The following SLC29A3 variants were observed in gnomAD, a reference collection of about 807,000 sequenced individuals.
SLC29A3 encodes the protein solute carrier family 29 member 3.
A neutral mutation model predicts 25.4 loss-of-function variants in SLC29A3; 18 were observed. That is an observed-to-expected ratio of 0.71 (90% CI 0.49 to 1.05). SLC29A3 has a LOEUF of 1.05. Among genes scored for constraint, SLC29A3 ranks in the 50% least tolerant of loss-of-function variants. SLC29A3 has a pLI of 0.00. For synonymous variants in SLC29A3, 258 were observed against 267.1 expected (o/e 0.97, Z 0.33); for missense variants, 586 against 609.0 (o/e 0.96, Z 0.40).
intron 3 of SLC29A3, among the ~76,000 whole-genome samples, chr10:71,345,372 T>G (rs1846542023): frequency 1.3e-5 from 2 of 152,194 alleles, no homozygotes; most frequent in Non-Finnish European, 2.9e-5. Flanking sequence ...CTCTCTCTTC[T>G]CTCTTTGTAG....
Position 71,362,082 on chromosome 10 carries a change from T to C in SLC29A3, c.902T>C (p.Ile301Thr). Residue 301 changes from isoleucine to threonine, a missense_variant, in exon 6 of 6, where the codon ATC (isoleucine) becomes ACC (threonine). Physicochemically the swap from Ile to Thr is moderately conservative, Grantham distance 89. Transcript: ENST00000373189. Reference sequence around the variant, plus strand: ...TCCCACACACCCCCTCTCCGCCCCATCCTGAAGAAGACGGCCAGCCTGGGC... The same window carrying C: ...TCCCACACACCCCCTCTCCGCCCCACCCTGAAGAAGACGGCCAGCCTGGGC... ...IDSHTPPLRP[I>T]LKKTASLGFC... is the part of the protein sequence containing the mutation. The C allele has an allele frequency of 6.2e-7, 1 of 1,614,030 alleles. No individual in the cohort carries two copies. Among genetic ancestry groups the C allele is most frequent in the South Asian group, 1.1e-5 (1 of 91,060 alleles).
chr10:71,338,154 A>T (rs1381986654), intron 2 of SLC29A3, among the ~76,000 whole-genome samples: 2 of 152,178 alleles, frequency 1.3e-5, no homozygotes, highest in Non-Finnish European at 2.9e-5. Context: ...TGAGGCCCCC[A>T]TGCCCACTCT....
chr10:71,358,601 C>G (rs911403608), intron 5 of SLC29A3, among the ~76,000 whole-genome samples: 1 of 152,222 alleles, frequency 6.6e-6, no homozygotes, highest in East Asian at 1.9e-4. Flanking sequence ...AAATGATTCT[C>G]CAGCCACTGA....
rs2131796660 is a variant in SLC29A3, at chr10:71,322,854, A to AAGCT, written c.101_104dup (p.Leu36AlafsTer61). 1 of 1,614,206 alleles carries AAGCT rather than the reference A, an allele frequency of 6.2e-7. No homozygotes were observed. The highest frequency in any genetic ancestry group is 1.1e-5 in the South Asian group (1 of 91,086). ...AGCTGACCAGGAGGCACTGCTTGAG[A>AAGCT]AGCTGCTGGACCGCCCGCCCCCTGG... On this transcript the variant is annotated frameshift_variant, in exon 2 of 6. Coordinates refer to ENST00000373189, the MANE Select transcript of SLC29A3 (RefSeq NM_018344.6). LOFTEE classifies it high-confidence loss of function.
chr10:71,362,787 A>G lies in SLC29A3; in HGVS notation c.*179A>G. 2.6e-6 allele frequency: 2 copies of G among 763,302 alleles called. No homozygotes were observed. Among genetic ancestry groups the G allele is most frequent in the Non-Finnish European group, 4.5e-6 (2 of 442,556 alleles). 47.3% of individuals were successfully genotyped at this position (763,302 alleles called of 1,614,324 possible). On this transcript the variant is annotated 3_prime_UTR_variant, in exon 6 of 6. Transcript: ENST00000373189. ...GCCACGTCCATGCCCATTCCGTGCA[A>G]GGCAGATATTCCAGTCATATTAACA...
At chr10:71,356,299 G>A (rs1846909906) in intron 5 of SLC29A3, 56 bp downstream of exon 5, 5 of 1,595,490 alleles carry the variant, frequency 3.1e-6, no homozygotes, top group Non-Finnish European at 3.4e-6. Context: ...TTATAGCCAT[G>A]CTTCTTTTTC....
chr10:71,349,078 TC>T (rs749235275), intron 3 of SLC29A3, among the ~76,000 whole-genome samples: 31 of 152,092 alleles, frequency 2.0e-4, no homozygotes, highest in Non-Finnish European at 3.4e-4. Flanking sequence ...TACCTGTCAC[TC>T]CCAGGTAAGT....
chr10:71,334,516 G>T (rs1366302251), intron 2 of SLC29A3, among the ~76,000 whole-genome samples: 1 of 152,298 alleles, frequency 6.6e-6, no homozygotes, highest in South Asian at 2.1e-4. Context: ...TTATGCATTT[G>T]CTAGCCATCT....
chr10:71,323,126 T>C (rs898036880), intron 2 of SLC29A3, 72 bp downstream of exon 2: 19 of 1,580,694 alleles, frequency 1.2e-5, no homozygotes, highest in African/African-American at 4.0e-5. Context: ...CAGGGGAAGA[T>C]GGAGATTTCA....
In SLC29A3 at chr10:71,322,828, G is replaced by A. The variant is rs138976786; in HGVS notation, c.74G>A (p.Arg25Gln). The A allele has an allele frequency of 2.6e-4, 420 of 1,614,184 alleles. 2 individuals carry two copies. In the African/African-American group the frequency reaches 4.9e-3, roughly 19 times the overall value. Residue 25 changes from arginine (R) to glutamine (Q), a missense_variant, in exon 2 of 6, where the codon CGA (arginine) becomes CAA (glutamine). Arg to Gln is a conservative substitution (Grantham distance 43, BLOSUM62 1). Coordinates refer to ENST00000373189, the MANE Select transcript of SLC29A3 (RefSeq NM_018344.6). ...STYRTTSSSL[R>Q]ADQEALLEKL... is the part of the protein sequence containing the mutation. ...TACAGAACCACAAGCAGCAGTCTCC[G>A]AGCTGACCAGGAGGCACTGCTTGAG...
At chr10:71,372,083 C>A (rs1477047945) in intron 3 of SLC29A3, among the ~76,000 whole-genome samples, 1 of 152,160 alleles carries the variant, frequency 6.6e-6, no homozygotes, top group Non-Finnish European at 1.5e-5. Context: ...AACCAGTCAT[C>A]GGTCACAGGA....
In SLC29A3 at chr10:71,351,783, TATC is replaced by T; in HGVS notation, c.607_609del (p.Ser203del). 1 of 1,611,238 alleles carries T rather than the reference TATC, an allele frequency of 6.2e-7. No individual in the cohort carries two copies. Among genetic ancestry groups the T allele is most frequent in the Non-Finnish European group, 8.5e-7 (1 of 1,179,428 alleles). On this transcript the variant is annotated inframe_deletion and splice_region_variant, in exon 4 of 6. Transcript: ENST00000373189. The stretch of plus-strand genomic sequence containing the variant: ...CCTATGAGGAACTCCCAGGCACTGA[TATC>T]AGGTGAGAGCCAGGGTCCGGGCAGC...
chr10:71,332,190 C>T (rs1392390069), intron 2 of SLC29A3, among the ~76,000 whole-genome samples: 1 of 145,548 alleles, frequency 6.9e-6, no homozygotes, highest in African/African-American at 2.6e-5. Context: ...ATTGTATCGC[C>T]GAGGTTGGAG....
At chr10:71,373,865 A>G (rs2131859457) in intron 3 of SLC29A3, among the ~76,000 whole-genome samples, 1 of 152,320 alleles carries the variant, frequency 6.6e-6, no homozygotes, top group African/African-American at 2.4e-5. Context: ...GGTGCAAGGA[A>G]TGGCTGTTTG....
chr10:71,343,718 C>T (rs1257123737), intron 2 of SLC29A3, among the ~76,000 whole-genome samples: 2 of 152,100 alleles, frequency 1.3e-5, no homozygotes, highest in Non-Finnish European at 2.9e-5. Flanking sequence ...GGGGCCAAGG[C>T]GAGAGGATCA....
At chr10:71,373,651 C>T (rs1228119521) in intron 3 of SLC29A3, among the ~76,000 whole-genome samples, 9 of 152,234 alleles carry the variant, frequency 5.9e-5, no homozygotes, top group Admixed American at 5.9e-4. Flanking sequence ...GATCCATTTG[C>T]ACCCCATCCT....
Position 71,362,827 on chromosome 10 carries a change from C to T in SLC29A3, c.*219C>T. On this transcript the variant is annotated 3_prime_UTR_variant, in exon 6 of 6. Transcript: ENST00000373189. The stretch of plus-strand genomic sequence containing the variant: ...TCATATTAACAGAACACTCCTGAGA[C>T]AGTTGAAGAAGAAATAGCACAAATC... 1 of 701,512 alleles carries T rather than the reference C, an allele frequency of 1.4e-6. No individual in the cohort carries two copies. Among genetic ancestry groups the T allele is most frequent in the Non-Finnish European group, 2.6e-6 (1 of 388,726 alleles). The allele number at this position is 701,512 out of a possible 1,614,324, so 43.5% of individuals were successfully genotyped here.
At chr10:71,341,907 G>A (rs751599613) in intron 2 of SLC29A3, among the ~76,000 whole-genome samples, 5 of 152,342 alleles carry the variant, frequency 3.3e-5, no homozygotes, top group Admixed American at 2.6e-4. Context: ...GAGAGGGCTG[G>A]AGACCGCCCT....
At chr10:71,378,584 C>T (rs1202887951) in intron 4 of SLC29A3, among the ~76,000 whole-genome samples, 1 of 152,262 alleles carries the variant, frequency 6.6e-6, no homozygotes, top group Non-Finnish European at 1.5e-5. Context: ...CAGCAGCAAA[C>T]TGTACCACTT....
Sources: allele counts gnomAD v4.1 joint callset (sites outside exome capture counted in the v4.1 genomes callset), GRCh38; gene constraint gnomAD v4.1.1; transcripts MANE v1.5; gene names NCBI Gene and HGNC (gene_info 2026-07-23, HGNC 2026-07-21).